SVOPL: variants seen among roughly 807,000 people sequenced by gnomAD.
SVOPL encodes SVOP like.
SVOPL carries 60 observed loss-of-function variants against 61.0 expected under a neutral mutation model. The observed-to-expected ratio is 0.98, with a 90% CI of 0.80 to 1.22. The LOEUF (loss-of-function observed/expected upper bound fraction) is 1.22, where lower values mean the gene tolerates loss of function less well. SVOPL is among the 50% of genes most tolerant of loss of function. The pLI, the probability that SVOPL is intolerant of heterozygous loss-of-function variation, is 0.00. For synonymous variants in SVOPL, 279 were observed against 250.0 expected (o/e 1.12, Z -1.09); for missense variants, 662 against 643.9 (o/e 1.03, Z -0.30).
intron 10 of SVOPL, among the ~76,000 whole-genome samples, chr7:138,629,720 C>T (rs1659809): frequency 0.14 from 22,031 of 152,088 alleles, 2,795 homozygotes; most frequent in African/African-American, 0.33. Flanking sequence ...CCACTGGACT[C>T]GATGATTGGT....
chr7:138,686,746 T>G (rs1802827503), intron 1 of SVOPL, among the ~76,000 whole-genome samples: 1 of 152,016 alleles, frequency 6.6e-6, no homozygotes, highest in Non-Finnish European at 1.5e-5. Flanking sequence ...GTATTTTTAG[T>G]AGAGACGGGG....
intron 7 of SVOPL, among the ~76,000 whole-genome samples, chr7:138,650,066 G>C (rs781313649): frequency 6.6e-6 from 1 of 151,982 alleles, no homozygotes; most frequent in African/African-American, 2.4e-5. Flanking sequence ...TCCTGATCTC[G>C]TGATCTGCCC....
chr7:138,649,035 T>C lies in SVOPL; in HGVS notation c.637A>G (p.Ile213Val), dbSNP rs1801284772. The C allele has an allele frequency of 2.5e-6, 4 of 1,613,768 alleles. No homozygotes were observed. Among genetic ancestry groups the C allele is most frequent in the Non-Finnish European group, 3.4e-6 (4 of 1,179,914 alleles). The change falls in exon 8 of 16, where the codon ATC (isoleucine) becomes GTC (valine). Residue 213 changes from isoleucine (I) to valine (V), a missense_variant. Coordinates refer to ENST00000674285, the MANE Select transcript of SVOPL (RefSeq NM_001139456.2). ...ACCTTGAAGGCCACGATGAGGATGA[T>C]GCCCGGGATGGAGGCGACGCGAATG... ...WLIRVASIPG[I>V]ILIVAFKFIP...
intron 1 of SVOPL, among the ~76,000 whole-genome samples, chr7:138,686,704 G>A (rs1002422140): frequency 8.0e-5 from 12 of 150,844 alleles, no homozygotes; most frequent in Non-Finnish European, 8.8e-5. Flanking sequence ...TAGCATGCCT[G>A]TAATCATGCA....
At chr7:138,671,707 G>T (rs565940182) in intron 4 of SVOPL, among the ~76,000 whole-genome samples, 1 of 152,200 alleles carries the variant, frequency 6.6e-6, no homozygotes, top group African/African-American at 2.4e-5. Context: ...ATAATTCAGC[G>T]AGGGTGATTG....
intron 9 of SVOPL, among the ~76,000 whole-genome samples, chr7:138,637,769 T>C (rs1800567862): frequency 6.6e-6 from 1 of 151,718 alleles, no homozygotes; most frequent in Admixed American, 6.6e-5. Context: ...CTGGCCAACA[T>C]GGTGAAACGC....
chr7:138,664,531 C>T (rs1584854952), intron 4 of SVOPL, among the ~76,000 whole-genome samples: 1 of 143,850 alleles, frequency 7.0e-6, no homozygotes, highest in East Asian at 2.2e-4. Flanking sequence ...GCCTAACCCT[C>T]GAGCACCCCT....
At chr7:138,663,900 G>A (rs773512375) in intron 4 of SVOPL, among the ~76,000 whole-genome samples, 1 of 152,094 alleles carries the variant, frequency 6.6e-6, no homozygotes, top group African/African-American at 2.4e-5. Context: ...TTTCGCTGTC[G>A]CTGTTCTGCT....
chr7:138,621,299 G>T (rs1333770917), intron 13 of SVOPL, among the ~76,000 whole-genome samples, 164 bp from the exon 14 acceptor site: 3 of 152,146 alleles, frequency 2.0e-5, no homozygotes, highest in Non-Finnish European at 4.4e-5. Flanking sequence ...ACACAACTTT[G>T]AATTTTTGGG....
chr7:138,700,715 T>TGGATGGATGGATGGCA (rs373341155), intron 1 of SVOPL, among the ~76,000 whole-genome samples: 172 of 151,102 alleles, frequency 1.1e-3, no homozygotes, highest in Middle Eastern at 0.01. Context: ...GATGGATGGA[T>TGGATGGATGGATGGCA]GGCAGATGGA....
At chr7:138,599,167 A>AAAAAAAAAAAAAAAACAAAAAAAAAAAAC (rs58372563) in intron 14 of SVOPL, among the ~76,000 whole-genome samples, 1 of 121,810 alleles carries the variant, frequency 8.2e-6, no homozygotes, top group Non-Finnish European at 1.7e-5. Context: ...ACCAAAAAAA[A>AAAAAAAAAAAAAAAACAAAAAAAAAAAAC]AAGAAATACA....
At chr7:138,622,747 CCA>C (rs1222771365) in intron 13 of SVOPL, among the ~76,000 whole-genome samples, 4 of 152,224 alleles carry the variant, frequency 2.6e-5, no homozygotes, top group Non-Finnish European at 5.9e-5. Flanking sequence ...CAGGTATGAG[CCA>C]CCATGCCCAG....
At chr7:138,677,469 T>G (rs561579834) in intron 3 of SVOPL, among the ~76,000 whole-genome samples, 1 of 152,316 alleles carries the variant, frequency 6.6e-6, no homozygotes, top group East Asian at 1.9e-4. Context: ...TAACATTATG[T>G]GAAAAAGAAA....
chr7:138,661,327 T>C (rs1314424538), intron 5 of SVOPL: 2 of 985,330 alleles, frequency 2.0e-6, no homozygotes, highest in African/African-American at 1.7e-5. Context: ...AATGTGTAGC[T>C]GCTTATGTTT....
At chr7:138,678,709 TAC>T (rs1224781873) in intron 2 of SVOPL, among the ~76,000 whole-genome samples, 184 bp from the exon 3 acceptor site, 1 of 152,106 alleles carries the variant, frequency 6.6e-6, no homozygotes, top group Non-Finnish European at 1.5e-5. Context: ...TAGCTGAGAT[TAC>T]ACACACCCAC....
rs376080789 is a variant in SVOPL, at chr7:138,594,568, G to T, written c.*42C>A. The T allele has an allele frequency of 1.5e-5, 23 of 1,580,322 alleles. No homozygotes were observed. In the African/African-American group the frequency reaches 2.9e-4, roughly 20 times the overall value. ...AAAATGCACCGCAGTTCTGAAGATA[G>T]AATTCATTTTTCTCATCTGGTAGAC... is the stretch of plus-strand genomic sequence containing the variant. On this transcript the variant is annotated 3_prime_UTR_variant, in exon 16 of 16. Coordinates refer to ENST00000674285, the MANE Select transcript of SVOPL (RefSeq NM_001139456.2).
chr7:138,610,153 A>T (rs1798935061), intron 14 of SVOPL, among the ~76,000 whole-genome samples: 1 of 152,150 alleles, frequency 6.6e-6, no homozygotes, highest in South Asian at 2.1e-4. Flanking sequence ...CTTAATGCCT[A>T]TTTTTTATAT....
intron 14 of SVOPL, among the ~76,000 whole-genome samples, chr7:138,606,678 G>A (rs1482527684): frequency 2.0e-5 from 3 of 152,182 alleles, no homozygotes; most frequent in African/African-American, 4.8e-5. Context: ...TACAGGCCAG[G>A]CACAGTGGCT....
chr7:138,625,503 C>T (rs1429410743), intron 13 of SVOPL, among the ~76,000 whole-genome samples: 1 of 152,034 alleles, frequency 6.6e-6, no homozygotes, highest in African/African-American at 2.4e-5. Flanking sequence ...CAGTACCTTG[C>T]ATATAGATGT....
Sources: gnomAD v4.1 joint callset for allele counts (sites outside exome capture counted in the v4.1 genomes callset) on GRCh38, gnomAD v4.1.1 for gene constraint, MANE v1.5 for transcripts, NCBI Gene and HGNC (gene_info 2026-07-23, HGNC 2026-07-21) for gene names.